Variants in GALNT1 observed in about 807,000 individuals in gnomAD.
GALNT1 encodes the protein GalNAc transferase 1.
Under a neutral mutation model 65.7 loss-of-function variants are expected in GALNT1, and 17 were observed. The observed-to-expected ratio is 0.26, with a 90% confidence interval of 0.18 to 0.39. The LOEUF is 0.39. Ranked by LOEUF, GALNT1 falls within the 10% of genes least tolerant of loss-of-function variation. GALNT1 has a pLI of 1.00. For synonymous variants in GALNT1, 210 were observed against 219.7 expected (o/e 0.96, Z 0.39); for missense variants, 460 against 672.8 (o/e 0.68, Z 3.50).
At chr18:35,620,133 C>T (rs1277356099) in intron 1 of GALNT1, among the ~76,000 whole-genome samples, 1 of 152,166 alleles carries the variant, frequency 6.6e-6, no homozygotes, top group South Asian at 2.1e-4. Context: ...GACCCAGCTC[C>T]TATCTTTCTG....
At chr18:35,689,323 T>G in intron 7 of GALNT1, 33 bp downstream of exon 7, 1 of 1,242,032 alleles carries the variant, frequency 8.1e-7, no homozygotes, top group Non-Finnish European at 1.2e-6. Context: ...AATCTTTTAT[T>G]TAACTTCAAG....
chr18:35,616,571 A>G (rs1046506485), intron 1 of GALNT1, among the ~76,000 whole-genome samples: 3 of 152,186 alleles, frequency 2.0e-5, no homozygotes, highest in African/African-American at 7.2e-5. Flanking sequence ...TAAGGCTTGC[A>G]TATCCTCACC....
At chr18:35,689,319 T>G (rs774481958) in intron 7 of GALNT1, 29 bp downstream of exon 7, 2 of 1,257,704 alleles carry the variant, frequency 1.6e-6, no homozygotes, top group Middle Eastern at 1.9e-4. Flanking sequence ...ATTTAATCTT[T>G]TATTTAACTT....
At chr18:35,588,395 A>G (rs1380284866) in intron 1 of GALNT1, among the ~76,000 whole-genome samples, 2 of 152,120 alleles carry the variant, frequency 1.3e-5, no homozygotes, top group Non-Finnish European at 2.9e-5. Context: ...AAGTTTTATT[A>G]TGATACATTT....
intron 1 of GALNT1, among the ~76,000 whole-genome samples, chr18:35,623,130 T>C (rs1286446641): frequency 2.0e-5 from 3 of 152,196 alleles, no homozygotes; most frequent in Non-Finnish European, 4.4e-5. Flanking sequence ...TATTTATTCA[T>C]ATATTTACCG....
chr18:35,628,729 C>T (rs1170038066), intron 1 of GALNT1, among the ~76,000 whole-genome samples: 2 of 152,224 alleles, frequency 1.3e-5, no homozygotes, highest in African/African-American at 4.8e-5. Context: ...ATGACTTTGA[C>T]GAGTTGAGTG....
chr18:35,699,356 CTTT>C (rs2048117146), intron 9 of GALNT1, among the ~76,000 whole-genome samples: 44 of 152,130 alleles, frequency 2.9e-4, no homozygotes, highest in Admixed American at 2.9e-3. Flanking sequence ...TCAAATCTGC[CTTT>C]TATTTAAGGG....
chr18:35,685,384 A>C (rs16967002), intron 5 of GALNT1, among the ~76,000 whole-genome samples: 16,072 of 152,082 alleles, frequency 0.11, 1,107 homozygotes, highest in African/African-American at 0.2. Context: ...CCCATAGATA[A>C]TGAAAAAGGG....
chr18:35,641,026 A>G (rs954924086), intron 1 of GALNT1, among the ~76,000 whole-genome samples: 9 of 152,308 alleles, frequency 5.9e-5, no homozygotes, highest in Admixed American at 5.9e-4. Flanking sequence ...GGGTCTTGCT[A>G]TGTTGCCTAA....
intron 1 of GALNT1, among the ~76,000 whole-genome samples, chr18:35,624,644 A>T (rs942349345): frequency 2.6e-5 from 4 of 152,080 alleles, no homozygotes; most frequent in African/African-American, 9.7e-5. Context: ...ATTTTATTTT[A>T]AAGTGATTGA....
chr18:35,669,567 A>G (rs2047600475), intron 3 of GALNT1, among the ~76,000 whole-genome samples: 1 of 152,214 alleles, frequency 6.6e-6, no homozygotes, highest in Admixed American at 6.5e-5. Flanking sequence ...TTATAGGAAA[A>G]CAGGCGATAA....
chr18:35,583,399 T>TA (rs1555644187), intron 1 of GALNT1, among the ~76,000 whole-genome samples: 1 of 152,236 alleles, frequency 6.6e-6, no homozygotes, highest in Non-Finnish European at 1.5e-5. Flanking sequence ...TGGTGCCTCT[T>TA]AAGCAGCAGA....
intron 1 of GALNT1, among the ~76,000 whole-genome samples, chr18:35,650,611 C>G (rs950778856): frequency 3.3e-5 from 5 of 152,138 alleles, no homozygotes; most frequent in Admixed American, 1.3e-4. Flanking sequence ...TTCAGAGACC[C>G]CTTGGGAAAC....
intron 2 of GALNT1, among the ~76,000 whole-genome samples, chr18:35,655,715 G>A (rs2047376641): frequency 6.6e-6 from 1 of 151,820 alleles, no homozygotes; most frequent in Non-Finnish European, 1.5e-5. Flanking sequence ...CTTTTATGAT[G>A]AGAAGGGCCT....
At position 35,689,345 on chromosome 18, in the gene GALNT1, A is replaced by G. The variant is rs924226185; in HGVS notation, c.978+55A>G. On this transcript the variant is annotated intron_variant, in intron 7 of 11. Coordinates refer to ENST00000269195, the MANE Select transcript of GALNT1 (RefSeq NM_020474.4). ...TATTTAACTTCAAGTATAGATGTGC[A>G]TTGATTATTCATGTATCTCTACATA... The G allele has an allele frequency of 4.1e-6, 4 of 972,804 alleles. No individual in the cohort carries two copies. The African/African-American group carries it at 6.6e-5, about 16-fold the overall frequency. 60.3% of individuals were successfully genotyped at this position (972,804 alleles called of 1,614,324 possible).
chr18:35,585,343 A>G (rs1328354656), intron 1 of GALNT1, among the ~76,000 whole-genome samples: 1 of 152,098 alleles, frequency 6.6e-6, no homozygotes, highest in Non-Finnish European at 1.5e-5. Context: ...TGGAAGTGCT[A>G]CCTGTTTTTC....
chr18:35,644,438 G>A (rs1452942996), intron 1 of GALNT1, among the ~76,000 whole-genome samples: 1 of 152,160 alleles, frequency 6.6e-6, no homozygotes, highest in African/African-American at 2.4e-5. Context: ...TGAAGCCTAC[G>A]AGACTGGAGC....
chr18:35,604,327 G>A (rs995573281), intron 1 of GALNT1, among the ~76,000 whole-genome samples: 1 of 152,114 alleles, frequency 6.6e-6, no homozygotes, highest in African/African-American at 2.4e-5. Flanking sequence ...TGCTGATGAT[G>A]GGCATCTAGA....
intron 1 of GALNT1, among the ~76,000 whole-genome samples, chr18:35,594,929 A>G (rs1004269004): frequency 6.6e-6 from 1 of 152,208 alleles, no homozygotes; most frequent in African/African-American, 2.4e-5. Context: ...AATGGGGACT[A>G]TAAGCTTGGA....
Sources: gnomAD v4.1 joint callset for allele counts (sites outside exome capture counted in the v4.1 genomes callset) on GRCh38, gnomAD v4.1.1 for gene constraint, MANE v1.5 for transcripts, NCBI Gene and HGNC (gene_info 2026-07-23, HGNC 2026-07-21) for gene names.